GABRG3: variants seen among roughly 807,000 people sequenced by gnomAD.
GABRG3 encodes gamma-aminobutyric acid type A receptor subunit gamma3.
In GABRG3, 25 loss-of-function variants were observed where a neutral mutation model predicts 48.8. The ratio of observed to expected loss-of-function variants is 0.51; its 90% CI spans 0.37 to 0.72. The LOEUF (loss-of-function observed/expected upper bound fraction) is 0.72. Among genes scored for constraint, GABRG3 ranks in the 30% least tolerant of loss-of-function variants. The pLI, the probability that GABRG3 is intolerant of heterozygous loss-of-function variation, is 0.00. For missense variants in GABRG3, 394 were observed against 577.9 expected (o/e 0.68, Z 3.26); for synonymous variants, 227 against 217.6 (o/e 1.04, Z -0.38).
intron 5 of GABRG3, chr15:27,365,150 T>C (rs1286718694): frequency 6.6e-6 from 1 of 152,204 alleles, no homozygotes; most frequent in Non-Finnish European, 1.5e-5. Context: ...CTTTAGCATA[T>C]ATTTCCCAAA....
chr15:27,185,791 G>A (rs573660170), intron 3 of GABRG3, among the ~76,000 whole-genome samples: 83 of 151,934 alleles, frequency 5.5e-4, no homozygotes, highest in African/African-American at 1.9e-3. Context: ...ATGTCCATTT[G>A]TGTCACTAGT....
chr15:27,310,089 A>G (rs1892944019), intron 3 of GABRG3, among the ~76,000 whole-genome samples: 1 of 152,134 alleles, frequency 6.6e-6, no homozygotes, highest in Admixed American at 6.6e-5. Flanking sequence ...TATTCCATGT[A>G]TATTCTACTC....
chr15:27,053,829 G>T (rs1896494558), intron 3 of GABRG3, among the ~76,000 whole-genome samples: 2 of 152,226 alleles, frequency 1.3e-5, no homozygotes, highest in African/African-American at 4.8e-5. Flanking sequence ...CAGCTACATG[G>T]ATGGGAAGGT....
In GABRG3 at chr15:27,236,790, A is replaced by G. The variant is rs761528846; in HGVS notation, c.271-90019A>G. Among the ~76,000 whole-genome samples, 13 of 152,174 alleles carry G rather than the reference A, an allele frequency of 8.5e-5. No homozygotes were observed. Among genetic ancestry groups the G allele is most frequent in the Non-Finnish European group, 1.8e-4 (12 of 68,028 alleles). ...ATGCGAACACTGCCATTTTTTTAAC[A>G]TGGGTCCCATGAAGAGGCATGAAGC... On this transcript the variant is annotated intron_variant, in intron 3 of 9. Coordinates refer to ENST00000615808, the MANE Select transcript of GABRG3 (RefSeq NM_033223.5). This position sits in a 1 kb window ranked among gnomAD's most constrained non-coding sequence, Gnocchi z 4.4.
intron 3 of GABRG3, among the ~76,000 whole-genome samples, chr15:27,287,385 G>A (rs903562884): frequency 6.6e-6 from 1 of 152,186 alleles, no homozygotes; most frequent in Admixed American, 6.5e-5. Context: ...CCAGTATTCA[G>A]AGATTAATGG....
chr15:27,136,654 CT>C (rs931963254), intron 3 of GABRG3, among the ~76,000 whole-genome samples: 3 of 152,056 alleles, frequency 2.0e-5, no homozygotes, highest in South Asian at 2.1e-4. Context: ...AATGGGCAAA[CT>C]TTTTTTTAAG....
chr15:27,096,566 G>A (rs1206925503), intron 3 of GABRG3, among the ~76,000 whole-genome samples: 2 of 152,202 alleles, frequency 1.3e-5, no homozygotes, highest in Non-Finnish European at 2.9e-5. Flanking sequence ...CCTTCTCATT[G>A]TCAGTAGCTC....
intron 3 of GABRG3, among the ~76,000 whole-genome samples, chr15:27,308,750 CATATAATGTAA>C (rs1892865608): frequency 6.8e-6 from 1 of 147,936 alleles, no homozygotes; most frequent in Non-Finnish European, 1.5e-5. Context: ...TATATGTAAA[CATATAATGTAA>C]ACATACGTTT....
At chr15:27,259,576 T>TA (rs2140465469) in intron 3 of GABRG3, among the ~76,000 whole-genome samples, 1 of 152,264 alleles carries the variant, frequency 6.6e-6, no homozygotes, top group East Asian at 1.9e-4. Context: ...CCTACTCTCT[T>TA]AGAGTTCCCA....
chr15:27,304,379 C>T (rs1892319974), intron 3 of GABRG3, among the ~76,000 whole-genome samples: 2 of 151,950 alleles, frequency 1.3e-5, no homozygotes, highest in African/African-American at 4.8e-5. Flanking sequence ...AAGATCAGCA[C>T]TCATTATTAA....
chr15:26,971,380 C>T lies in GABRG3; in HGVS notation c.-156C>T, dbSNP rs577737526. The stretch of plus-strand genomic sequence containing the variant: ...GCGTCCAGTGTGCGCCCCGCGGGGG[C>T]GCGGCCAGCGCCAGAGTAGATACCT... On this transcript the variant is annotated 5_prime_UTR_variant, in exon 1 of 10. Coordinates refer to ENST00000615808, the MANE Select transcript of GABRG3 (RefSeq NM_033223.5). The T allele has an allele frequency of 8.0e-4, 365 of 455,780 alleles. No individual in the cohort carries two copies. The highest frequency in any genetic ancestry group is 7.1e-3 in the African/African-American group (347 of 48,928). 28.2% of individuals were successfully genotyped at this position (455,780 alleles called of 1,614,324 possible).
chr15:27,124,958 G>A lies in GABRG3; in HGVS notation c.270+98137G>A, dbSNP rs555108753. Among the ~76,000 whole-genome samples the A allele has an allele frequency of 8.5e-5, 13 of 152,278 alleles. 2 individuals carry two copies. Among genetic ancestry groups the A allele is most frequent in the African/African-American group, 3.1e-4 (13 of 41,568 alleles). The stretch of plus-strand genomic sequence containing the variant: ...GGCTACTGATTTCTTCAAAACCTCA[G>A]CGCACTCTGGTACTATTCTTCCTGC... On this transcript the variant is annotated intron_variant, in intron 3 of 9. Transcript: ENST00000615808.
At chr15:27,522,447 T>G (rs1891181515) in intron 7 of GABRG3, among the ~76,000 whole-genome samples, 1 of 151,476 alleles carries the variant, frequency 6.6e-6, no homozygotes, top group African/African-American at 2.4e-5. Context: ...TAAAAAAAAC[T>G]AGTTTTCTAT....
intron 3 of GABRG3, among the ~76,000 whole-genome samples, chr15:27,186,211 C>A (rs1240821659): frequency 6.6e-6 from 1 of 151,972 alleles, no homozygotes; most frequent in Non-Finnish European, 1.5e-5. Flanking sequence ...GGTCTATTGA[C>A]CCCATCTTTA....
chr15:27,189,204 G>T (rs1230957910), intron 3 of GABRG3, among the ~76,000 whole-genome samples: 1 of 151,188 alleles, frequency 6.6e-6, no homozygotes, highest in Non-Finnish European at 1.5e-5. Flanking sequence ...TTGACTTGGC[G>T]ATGCGGGCTC....
intron 5 of GABRG3, among the ~76,000 whole-genome samples, chr15:27,410,675 A>G (rs906303192): frequency 6.6e-6 from 1 of 152,172 alleles, no homozygotes; most frequent in Non-Finnish European, 1.5e-5. Context: ...GAGAAGGCTT[A>G]CTAGTGACAT....
chr15:27,354,868 G>A (rs1894783358), intron 5 of GABRG3, among the ~76,000 whole-genome samples: 1 of 152,202 alleles, frequency 6.6e-6, no homozygotes, highest in East Asian at 1.9e-4. Context: ...AGCACCACAT[G>A]CTCAGTACAA....
At chr15:27,074,297 A>G (rs1896874010) in intron 3 of GABRG3, among the ~76,000 whole-genome samples, 1 of 151,922 alleles carries the variant, frequency 6.6e-6, no homozygotes, top group African/African-American at 2.4e-5. Flanking sequence ...ACCAGAGACT[A>G]CCACGTGGCC....
chr15:27,374,138 C>CTTTTTTTTTTTTTTTTTTT (rs201839822), intron 5 of GABRG3, among the ~76,000 whole-genome samples: 1 of 91,670 alleles, frequency 1.1e-5, no homozygotes, highest in Non-Finnish European at 2.2e-5. Flanking sequence ...TTCTTTTCTT[C>CTTTTTTTTTTTTTTTTTTT]TTTTTTTTTT....
Sources: gnomAD v4.1 joint callset for allele counts (sites outside exome capture counted in the v4.1 genomes callset) on GRCh38, gnomAD v4.1.1 for gene constraint, Gnocchi (gnomAD v3.1) non-coding constraint, MANE v1.5 for transcripts, NCBI Gene and HGNC (gene_info 2026-07-23, HGNC 2026-07-21) for gene names.